PLEKHH2: variants seen among roughly 807,000 people sequenced by gnomAD.
PLEKHH2 encodes pleckstrin homology domain-containing family H member 2.
Under a neutral mutation model 187.9 loss-of-function variants are expected in PLEKHH2, and 129 were observed. The ratio of observed to expected loss-of-function variants is 0.69; its 90% CI spans 0.59 to 0.79. The LOEUF (loss-of-function observed/expected upper bound fraction) is 0.79. Among genes scored for constraint, PLEKHH2 ranks in the 30% least tolerant of loss-of-function variants. The probability of loss-of-function intolerance (pLI) is 0.00; values close to 1 mark genes in which losing one functional copy is unlikely to be tolerated. For missense variants in PLEKHH2, 2,076 were observed against 1,751.2 expected (o/e 1.19, Z -3.31); for synonymous variants, 686 against 605.6 (o/e 1.13, Z -1.95).
At chr2:43,761,461 A>G (rs1374865653) in intron 27 of PLEKHH2, among the ~76,000 whole-genome samples, 1 of 135,302 alleles carries the variant, frequency 7.4e-6, no homozygotes, top group Non-Finnish European at 1.5e-5. Context: ...CACAGGCTGG[A>G]GTGCAGTGGC....
At chr2:43,682,558 GC>G (rs1314100511) in intron 3 of PLEKHH2, among the ~76,000 whole-genome samples, 1 of 152,070 alleles carries the variant, frequency 6.6e-6, no homozygotes. Context: ...GCCCCCCTTG[GC>G]CTCCCAAAGT....
At chr2:43,669,123 A>C (rs535379069) in intron 2 of PLEKHH2, among the ~76,000 whole-genome samples, 1 of 152,326 alleles carries the variant, frequency 6.6e-6, no homozygotes, top group African/African-American at 2.4e-5. Flanking sequence ...GCAAAGTTGA[A>C]GTTCATGGAG....
rs138994836 is a variant in PLEKHH2 at position 43,710,000 on chromosome 2, C to G, written c.1977C>G (p.Leu659=). The G allele has an allele frequency of 1.1e-5, 18 of 1,610,194 alleles. No individual in the cohort carries two copies. Among genetic ancestry groups the G allele is most frequent in the Admixed American group, 1.7e-5 (1 of 58,936 alleles). ...TCTTTGTTCTCTTAGGTGTGTCTCT[C>G]TCCTCTGTGGCTTCTGAAAGTGATT... ...SPRAMKRGVS[L]SSVASESDYA... The change falls in exon 12 of 30, where the codon CTC becomes CTG. Residue 659 remains leucine, a synonymous_variant. Transcript: ENST00000282406.
chr2:43,676,304 T>A (rs1368515090), intron 2 of PLEKHH2: 1 of 1,609,562 alleles, frequency 6.2e-7, no homozygotes, highest in Non-Finnish European at 8.5e-7. Flanking sequence ...AAAAATGATG[T>A]CCCACTAGCG....
Position 43,742,808 on chromosome 2 carries a change from A to G in PLEKHH2, c.3289A>G (p.Arg1097Gly). Reference sequence around the variant, plus strand: ...AGAAAGAACGCAACAAAATGGTGACAGAGAAGCAAGACCCTCAAGGATGGA... The same window carrying G: ...AGAAAGAACGCAACAAAATGGTGACGGAGAAGCAAGACCCTCAAGGATGGA... ...CVERTQQNGD[R>G]EARPSRMEIL... The change falls in exon 22 of 30, where the codon AGA becomes GGA. Residue 1097 changes from arginine to glycine, a missense_variant. By Grantham distance (125) the Arg-to-Gly change is moderately radical. Coordinates refer to ENST00000282406, the MANE Select transcript of PLEKHH2 (RefSeq NM_172069.4). The G allele has an allele frequency of 6.2e-7, 1 of 1,607,398 alleles. No individual in the cohort carries two copies. Among genetic ancestry groups the G allele is most frequent in the African/African-American group, 1.3e-5 (1 of 74,700 alleles).
At chr2:43,686,180 CTTCTTCTTCTTCT>C (rs1668495913) in intron 3 of PLEKHH2, among the ~76,000 whole-genome samples, 1 of 151,358 alleles carries the variant, frequency 6.6e-6, no homozygotes, top group East Asian at 1.9e-4. Flanking sequence ...TCCTCTTCCT[CTTCTTCTTCTTCT>C]TTCTTCTTCT....
chr2:43,736,082 C>A (rs1572640672), intron 19 of PLEKHH2, among the ~76,000 whole-genome samples: 2 of 152,166 alleles, frequency 1.3e-5, no homozygotes, highest in South Asian at 2.1e-4. Context: ...ATTTAACATT[C>A]TGTTAGGGAA....
chr2:43,722,660 G>C (rs1670539018), intron 16 of PLEKHH2, among the ~76,000 whole-genome samples: 2 of 152,178 alleles, frequency 1.3e-5, no homozygotes, highest in Non-Finnish European at 2.9e-5. Context: ...GTGATTGGAA[G>C]GCCAAGTTTA....
Position 43,759,011 on chromosome 2 carries a change from C to G in PLEKHH2, c.4053C>G (p.Ala1351=), listed in dbSNP as rs766888261. 5 of 1,612,110 alleles carry G rather than the reference C, an allele frequency of 3.1e-6. No individual in the cohort carries two copies. The highest frequency in any genetic ancestry group is 4.2e-6 in the Non-Finnish European group (5 of 1,178,638). Residue 1351 remains alanine, a synonymous_variant, in exon 27 of 30, where the codon GCC becomes GCG. Transcript: ENST00000282406. ...CCAGGAAGTGGCCATTCTTTGGTGCCAAGTTGTTTCTTGCAAAAGTAAGAA... is the reference window on the plus strand; with the variant it reads ...CCAGGAAGTGGCCATTCTTTGGTGCGAAGTTGTTTCTTGCAAAAGTAAGAA... ...TVARKWPFFG[A]KLFLAKPITP...
chr2:43,651,638 A>G (rs149787541), intron 2 of PLEKHH2, among the ~76,000 whole-genome samples: 1 of 152,126 alleles, frequency 6.6e-6, no homozygotes, highest in Non-Finnish European at 1.5e-5. Flanking sequence ...TGCGTCTGGC[A>G]TATAAATTCT....
chr2:43,740,354 T>C (rs944641227), intron 20 of PLEKHH2, among the ~76,000 whole-genome samples: 3 of 152,224 alleles, frequency 2.0e-5, no homozygotes, highest in East Asian at 1.9e-4. Flanking sequence ...TTAACCACCA[T>C]GTTCTTCAGA....
chr2:43,760,659 G>A (rs1024082593), intron 27 of PLEKHH2, among the ~76,000 whole-genome samples: 2 of 152,112 alleles, frequency 1.3e-5, no homozygotes, highest in Non-Finnish European at 2.9e-5. Flanking sequence ...CACCGCATCT[G>A]GCCCATTGTA....
chr2:43,666,074 T>C (rs1667187172), intron 2 of PLEKHH2, among the ~76,000 whole-genome samples: 1 of 149,520 alleles, frequency 6.7e-6, no homozygotes, highest in Admixed American at 6.6e-5. Context: ...TCCCCCAGCC[T>C]TGCTGCCGCC....
At chr2:43,741,529 T>A (rs112234485) in intron 21 of PLEKHH2, among the ~76,000 whole-genome samples, 1 of 152,204 alleles carries the variant, frequency 6.6e-6, no homozygotes, top group East Asian at 1.9e-4. Context: ...CTTTCTTACA[T>A]TGGGACCCAG....
rs201199845 is a variant in PLEKHH2, at chr2:43,710,324, A to G, written c.2208A>G (p.Lys736=). The part of the protein sequence containing the change: ...VLKGGELLYY[K]SPSDVIRKPQ... ...AAGGTGGTGAATTACTTTACTACAAATCTCCGGTGAGTGGAAAGTGTTTTC... is the reference window on the plus strand; with the variant it reads ...AAGGTGGTGAATTACTTTACTACAAGTCTCCGGTGAGTGGAAAGTGTTTTC... Residue 736 remains lysine, a synonymous_variant, in exon 13 of 30, where the codon AAA becomes AAG. Coordinates refer to ENST00000282406, the MANE Select transcript of PLEKHH2 (RefSeq NM_172069.4). The G allele has an allele frequency of 6.2e-7, 1 of 1,613,092 alleles. No homozygotes were observed. The highest frequency in any genetic ancestry group is 8.5e-7 in the Non-Finnish European group (1 of 1,179,104).
At chr2:43,713,115 C>G (rs1464825875) in intron 15 of PLEKHH2, among the ~76,000 whole-genome samples, 1 of 152,112 alleles carries the variant, frequency 6.6e-6, no homozygotes, top group Non-Finnish European at 1.5e-5. Flanking sequence ...CACACACACA[C>G]ACGCATATAT....
chr2:43,759,185 A>T (rs1034086780), intron 27 of PLEKHH2, among the ~76,000 whole-genome samples, 156 bp downstream of exon 27: 7 of 152,236 alleles, frequency 4.6e-5, no homozygotes, highest in Admixed American at 6.5e-5. Context: ...AAAGGGCAGA[A>T]AAGCTTCTCT....
At chr2:43,697,982 TA>T (rs1335217645) in intron 7 of PLEKHH2, among the ~76,000 whole-genome samples, 1 of 152,194 alleles carries the variant, frequency 6.6e-6, no homozygotes, top group African/African-American at 2.4e-5. Context: ...AAAATCCATC[TA>T]AATTTTGCTT....
At chr2:43,674,319 C>T (rs1020385729) in intron 2 of PLEKHH2, among the ~76,000 whole-genome samples, 1 of 152,114 alleles carries the variant, frequency 6.6e-6, no homozygotes, top group African/African-American at 2.4e-5. Flanking sequence ...CTAAGTAAGG[C>T]TCCAGAAAAA....
Sources: allele counts gnomAD v4.1 joint callset (sites outside exome capture counted in the v4.1 genomes callset), GRCh38; gene constraint gnomAD v4.1.1; transcripts MANE v1.5; gene names NCBI Gene and HGNC (gene_info 2026-07-23, HGNC 2026-07-21).